The following MPPED2 variants were observed in gnomAD, a reference collection of about 807,000 sequenced individuals.
MPPED2 encodes the protein metallophosphoesterase domain containing 2, also known as metallophosphoesterase MPPED2.
A neutral mutation model predicts 33.0 loss-of-function variants in MPPED2; 5 were observed. That is an observed-to-expected ratio of 0.15 (90% confidence interval 0.08 to 0.32). The LOEUF is 0.32. Among genes scored for constraint, MPPED2 ranks in the 10% least tolerant of loss-of-function variants. The pLI, the probability that MPPED2 is intolerant of heterozygous loss-of-function variation, is 1.00. For missense variants in MPPED2, 275 were observed against 372.1 expected (o/e 0.74, Z 2.15); for synonymous variants, 136 against 141.9 (o/e 0.96, Z 0.29).
At chr11:30,544,669 A>G (rs892166684) in intron 2 of MPPED2, among the ~76,000 whole-genome samples, 42 of 152,214 alleles carry the variant, frequency 2.8e-4, no homozygotes, top group Non-Finnish European at 5.1e-4. Context: ...TCCATGTGAT[A>G]TGTAAATAGG....
Position 30,581,660 on chromosome 11 carries a change from C to T in MPPED2, c.-121-1166G>A, listed in dbSNP as rs543108703. 3.9e-5 allele frequency among the ~76,000 whole-genome samples: 6 copies of T among 152,294 alleles called. No individual in the cohort carries two copies. In the East Asian group the frequency reaches 7.7e-4, roughly 20 times the overall value. ...AATTGGCATGAAACACCTTAAATATCGAGCAAAAGGCAGATGGCCTGCCAT... is the reference window on the plus strand; with the variant it reads ...AATTGGCATGAAACACCTTAAATATTGAGCAAAAGGCAGATGGCCTGCCAT... On this transcript the variant is annotated intron_variant, in intron 1 of 6. Coordinates refer to ENST00000358117, the MANE Select transcript of MPPED2 (RefSeq NM_001584.3).
intron 2 of MPPED2, among the ~76,000 whole-genome samples, chr11:30,550,998 T>C (rs560337705): frequency 6.6e-6 from 1 of 152,306 alleles, no homozygotes; most frequent in South Asian, 2.1e-4. Flanking sequence ...GTAGAATCTT[T>C]CATACTTTTT....
intron 2 of MPPED2, among the ~76,000 whole-genome samples, chr11:30,566,071 G>A (rs889821986): frequency 6.6e-5 from 10 of 152,138 alleles, no homozygotes; most frequent in East Asian, 5.8e-4. Context: ...AAACTGGTTC[G>A]CCTTATTCAA....
At chr11:30,405,712 G>A (rs1337086429), downstream of MPPED2, among the ~76,000 whole-genome samples, 4 of 152,182 alleles carry the variant, frequency 2.6e-5, no homozygotes, top group Non-Finnish European at 5.9e-5. Flanking sequence ...GTGACGGGCT[G>A]TGGCCATCAG....
chr11:30,580,293 C>G lies in MPPED2; in HGVS notation c.81G>C (p.Thr27=). 6.2e-7 allele frequency: 1 copy of G among 1,613,954 alleles called. No individual in the cohort carries two copies. The highest frequency in any genetic ancestry group is 8.5e-7 in the Non-Finnish European group (1 of 1,179,952). ...ATCTGCTCTGGTTGATGTTGTAGTG[C>G]GTGAATGCCTGGGTGGGGTTTGAGC... The part of the protein sequence containing the change: ...EYSSNPTQAF[T]HYNINQSRFQ... Residue 27 remains threonine, a synonymous_variant, in exon 2 of 7, where the codon ACG becomes ACC. Transcript: ENST00000358117.
intron 3 of MPPED2, among the ~76,000 whole-genome samples, chr11:30,510,776 T>C (rs1432166645): frequency 6.6e-6 from 1 of 152,212 alleles, no homozygotes; most frequent in Non-Finnish European, 1.5e-5. Flanking sequence ...TTAGATACAC[T>C]GGTTTAAAAA....
intron 3 of MPPED2, chr11:30,504,877 G>A: frequency 8.9e-7 from 1 of 1,123,546 alleles, no homozygotes; most frequent in South Asian, 1.3e-5. Context: ...AATAATGTCA[G>A]GGCTGAGCCA....
intron 4 of MPPED2, among the ~76,000 whole-genome samples, chr11:30,422,415 C>T (rs1335166873): frequency 6.6e-6 from 1 of 152,160 alleles, no homozygotes; most frequent in East Asian, 1.9e-4. Context: ...GAATTGCTCT[C>T]AGTGAATTAC....
intron 4 of MPPED2, chr11:30,428,856 A>AATGTTAATATCATTATAG (rs1948957253): frequency 6.6e-6 from 1 of 152,216 alleles, no homozygotes; most frequent in African/African-American, 2.4e-5. Flanking sequence ...CATCATTATG[A>AATGTTAATATCATTATAG]ATGTTAATAT....
At chr11:30,544,904 G>A (rs74580897) in intron 2 of MPPED2, among the ~76,000 whole-genome samples, 4,687 of 152,220 alleles carry the variant, frequency 0.031, 101 homozygotes, top group Admixed American at 0.061. Context: ...CGGAAGCTGG[G>A]ACCTCACTTG....
chr11:30,532,967 T>G (rs1205421213), intron 3 of MPPED2, among the ~76,000 whole-genome samples: 3 of 152,176 alleles, frequency 2.0e-5, no homozygotes, highest in Non-Finnish European at 2.9e-5. Context: ...GGGCAGAGCT[T>G]AAACACATCT....
chr11:30,518,065 C>A (rs1157243246), intron 3 of MPPED2, among the ~76,000 whole-genome samples: 2 of 152,156 alleles, frequency 1.3e-5, no homozygotes, highest in East Asian at 3.9e-4. Context: ...AGAAATCAAA[C>A]ATTAGATCTG....
At chr11:30,457,537 T>C (rs941026980) in intron 4 of MPPED2, among the ~76,000 whole-genome samples, 4 of 152,182 alleles carry the variant, frequency 2.6e-5, no homozygotes, top group African/African-American at 9.7e-5. Flanking sequence ...TAAAGAAAGA[T>C]CCATGAGCTG....
At position 30,580,478 on chromosome 11, in the gene MPPED2, A is replaced by C. The variant is rs955362151; in HGVS notation, c.-105T>G. The stretch of plus-strand genomic sequence containing the variant: ...CTCTGAATCCAAGGATCTACTCATC[A>C]ATACCGCTGTGCATTTCTGAAAGAA... On this transcript the variant is annotated 5_prime_UTR_variant, in exon 2 of 7. The change creates a new upstream start codon in the 5' untranslated region. Coordinates refer to ENST00000358117, the MANE Select transcript of MPPED2 (RefSeq NM_001584.3). The C allele has an allele frequency of 6.7e-7, 1 of 1,501,376 alleles. No individual in the cohort carries two copies. Among genetic ancestry groups the C allele is most frequent in the Non-Finnish European group, 8.9e-7 (1 of 1,123,298 alleles). 93.0% of individuals were successfully genotyped at this position (1,501,376 alleles called of 1,614,324 possible). A position where few individuals can be genotyped will look rare whatever the true frequency, so the allele number is the denominator to read the frequency against.
At chr11:30,516,799 G>T (rs1204867701) in intron 3 of MPPED2, among the ~76,000 whole-genome samples, 2 of 152,040 alleles carry the variant, frequency 1.3e-5, no homozygotes, top group Non-Finnish European at 2.9e-5. Flanking sequence ...TTGCCCAGAA[G>T]AAATTCATTT....
At chr11:30,517,777 G>C (rs547594704) in intron 3 of MPPED2, among the ~76,000 whole-genome samples, 1 of 152,130 alleles carries the variant, frequency 6.6e-6, no homozygotes, top group African/African-American at 2.4e-5. Flanking sequence ...GCCATGCCAA[G>C]CTTCTTGATC....
At chr11:30,456,552 G>T (rs1013044006) in intron 4 of MPPED2, among the ~76,000 whole-genome samples, 2 of 151,520 alleles carry the variant, frequency 1.3e-5, no homozygotes, top group Non-Finnish European at 2.9e-5. Context: ...GTGTGTGTGC[G>T]TGTGTGTGTG....
At chr11:30,398,750 C>G (rs900857869) in intron 6 of MPPED2, among the ~76,000 whole-genome samples, 2 of 152,104 alleles carry the variant, frequency 1.3e-5, no homozygotes, top group Admixed American at 1.3e-4. Flanking sequence ...CAGAAAAAAA[C>G]TCTCTGGAAG....
chr11:30,519,364 A>G (rs1246481088), intron 3 of MPPED2, among the ~76,000 whole-genome samples: 6 of 152,066 alleles, frequency 3.9e-5, no homozygotes, highest in Admixed American at 3.9e-4. Flanking sequence ...ATATATATAT[A>G]CACACACTCA....
Sources: gnomAD v4.1 joint callset for allele counts (sites outside exome capture counted in the v4.1 genomes callset) on GRCh38, gnomAD v4.1.1 for gene constraint, MANE v1.5 for transcripts, NCBI Gene and HGNC (gene_info 2026-07-23, HGNC 2026-07-21) for gene names.